The following SKA1 variants were observed in gnomAD, a reference collection of about 807,000 sequenced individuals.
SKA1 encodes the protein spindle and kinetochore associated complex subunit 1.
A neutral mutation model predicts 31.8 loss-of-function variants in SKA1; 20 were observed. That is an observed-to-expected ratio of 0.63 (90% CI 0.44 to 0.91). SKA1 has a LOEUF of 0.91. Among genes scored for constraint, SKA1 ranks in the 40% least tolerant of loss-of-function variants. SKA1 has a pLI of 0.00. For synonymous variants in SKA1, 88 were observed against 100.5 expected, an observed-to-expected ratio of 0.88 and a Z score of 0.74; for missense variants, 253 against 298.2, an observed-to-expected ratio of 0.85 and a Z score of 1.12.
At chr18:50,379,982 G>A in intron 2 of SKA1, 144 bp from the exon 3 acceptor site, 1 of 554,052 alleles carries the variant, frequency 1.8e-6, no homozygotes, top group Non-Finnish European at 3.0e-6. Flanking sequence ...ATTGTCCATG[G>A]AGTCATTTTC....
chr18:50,378,442 C>T (rs913037720), intron 2 of SKA1, among the ~76,000 whole-genome samples: 5 of 152,082 alleles, frequency 3.3e-5, no homozygotes, highest in African/African-American at 9.7e-5. Context: ...TTTGGGAGGC[C>T]AAGGCAGGCG....
At chr18:50,379,992 C>T (rs1352722829) in intron 2 of SKA1, 134 bp from the exon 3 acceptor site, 9 of 631,948 alleles carry the variant, frequency 1.4e-5, no homozygotes, top group Non-Finnish European at 2.2e-5. Context: ...GAGTCATTTT[C>T]TAGGGGCTAA....
At chr18:50,375,786 C>T (rs1205843370) in intron 1 of SKA1, 34 bp from the exon 2 acceptor site, 4 of 1,353,562 alleles carry the variant, frequency 3.0e-6, no homozygotes, top group Non-Finnish European at 3.1e-6. Flanking sequence ...TGTGGCTTTT[C>T]TTGTTACGAA....
At chr18:50,381,180 T>G (rs2041258979) in intron 3 of SKA1, among the ~76,000 whole-genome samples, 1 of 152,246 alleles carries the variant, frequency 6.6e-6, no homozygotes, top group African/African-American at 2.4e-5. Flanking sequence ...ATTTGGAATT[T>G]CTGTTCACAT....
intron 5 of SKA1, among the ~76,000 whole-genome samples, chr18:50,387,624 T>G (rs2041321069): frequency 6.6e-6 from 1 of 152,242 alleles, no homozygotes; most frequent in African/African-American, 2.4e-5. Flanking sequence ...TCAAGTTCGC[T>G]GATTCTTTCT....
chr18:50,378,024 G>A (rs1274365997), intron 2 of SKA1, among the ~76,000 whole-genome samples: 1 of 152,150 alleles, frequency 6.6e-6, no homozygotes, highest in African/African-American at 2.4e-5. Flanking sequence ...TTGGTTGGGC[G>A]ACAGTTTCTG....
At chr18:50,379,997 G>C in intron 2 of SKA1, 129 bp from the exon 3 acceptor site, 1 of 680,548 alleles carries the variant, frequency 1.5e-6, no homozygotes, top group Non-Finnish European at 2.3e-6. Context: ...ATTTTCTAGG[G>C]GCTAAAGCAG....
Position 50,385,344 on chromosome 18 carries a change from G to A in SKA1, c.440G>A (p.Gly147Asp), listed in dbSNP as rs1568330041. 1.0e-5 allele frequency: 16 copies of A among 1,606,600 alleles called. No homozygotes were observed. The East Asian group carries it at 3.4e-4, about 34-fold the overall frequency. ...MPFITCDEFN[G>D]VPSYMKSRLT... ...TTTATAACTTGTGATGAGTTCAATG[G>A]TGTTCCTTCGTAAGTATTTAAGATA... The change falls in exon 5 of 7, where the codon GGT becomes GAT. Residue 147 changes from glycine (G) to aspartate (D), a missense_variant. Gly to Asp is a moderately conservative substitution (Grantham distance 94, BLOSUM62 -1). Coordinates refer to ENST00000285116, the MANE Select transcript of SKA1 (RefSeq NM_145060.4).
chr18:50,380,183 T>C lies in SKA1; in HGVS notation c.146T>C (p.Ile49Thr). Reference protein sequence around the residue: ...LNKIGDEIIVINELLNKLELE... With the variant: ...LNKIGDEIIVTNELLNKLELE... ...AAAATAGGAGATGAGATCATTGTAATAAATGAACTTCTAAATAAATTGGAA... is the reference window on the plus strand; with the variant it reads ...AAAATAGGAGATGAGATCATTGTAACAAATGAACTTCTAAATAAATTGGAA... Residue 49 changes from isoleucine to threonine, a missense_variant, in exon 3 of 7, where the codon ATA becomes ACA. Coordinates refer to ENST00000285116, the MANE Select transcript of SKA1 (RefSeq NM_145060.4). 6.4e-7 allele frequency: 1 copy of C among 1,560,070 alleles called. No homozygotes were observed. The highest frequency in any genetic ancestry group is 1.2e-5 in the South Asian group (1 of 81,976).
chr18:50,376,883 T>C (rs572530443), intron 2 of SKA1, among the ~76,000 whole-genome samples: 6 of 152,082 alleles, frequency 3.9e-5, no homozygotes, highest in Non-Finnish European at 8.8e-5. Flanking sequence ...AGCCTAGGCC[T>C]ATGCAGGGTC....
intron 5 of SKA1, among the ~76,000 whole-genome samples, chr18:50,389,106 C>T (rs931886631): frequency 3.4e-5 from 5 of 148,162 alleles, no homozygotes; most frequent in African/African-American, 9.7e-5. Flanking sequence ...TTTCAGTTTG[C>T]TCCTGTTGTG....
At position 50,392,417 on chromosome 18, in the gene SKA1, A is replaced by T; in HGVS notation, c.*170A>T. 1 of 391,648 alleles carries T rather than the reference A, an allele frequency of 2.6e-6. No homozygotes were observed. The highest frequency in any genetic ancestry group is 1.3e-4 in the South Asian group (1 of 7,656). 24.3% of individuals were successfully genotyped at this position (391,648 alleles called of 1,614,324 possible). A position where few individuals can be genotyped will look rare whatever the true frequency, so the allele number is the denominator to read the frequency against. On this transcript the variant is annotated 3_prime_UTR_variant, in exon 7 of 7. Transcript: ENST00000285116. ...AGGGGCTTGCTTTGTCACGCAGGCT[A>T]GAGTGCAGTGGCGCAAACATGGCTC...
At chr18:50,388,943 A>C (rs115160453) in intron 5 of SKA1, among the ~76,000 whole-genome samples, 1 of 152,108 alleles carries the variant, frequency 6.6e-6, no homozygotes, top group Non-Finnish European at 1.5e-5. Flanking sequence ...GAGCCTTAGC[A>C]GTTTGTCCGT....
intron 3 of SKA1, among the ~76,000 whole-genome samples, chr18:50,381,524 A>G (rs1302881927): frequency 6.6e-6 from 1 of 152,184 alleles, no homozygotes; most frequent in Non-Finnish European, 1.5e-5. Flanking sequence ...GTTATCTCCC[A>G]AGATTAAAGT....
chr18:50,375,612 C>G (rs2149318126), intron 1 of SKA1, among the ~76,000 whole-genome samples: 1 of 152,278 alleles, frequency 6.6e-6, no homozygotes, highest in Middle Eastern at 3.4e-3. Flanking sequence ...TGGGATCCAT[C>G]GATGGCCTAA....
Position 50,391,108 on chromosome 18 carries a change from AT to A in SKA1, c.450-15del. The A allele has an allele frequency of 6.8e-7, 1 of 1,460,088 alleles. No homozygotes were observed. The highest frequency in any genetic ancestry group is 9.2e-7 in the Non-Finnish European group (1 of 1,087,376). 90.4% of individuals were successfully genotyped at this position (1,460,088 alleles called of 1,614,324 possible). A position where few individuals can be genotyped will look rare whatever the true frequency, so the allele number is the denominator to read the frequency against. On this transcript the variant is annotated splice_polypyrimidine_tract_variant and intron_variant, in intron 5 of 6. Coordinates refer to ENST00000285116, the MANE Select transcript of SKA1 (RefSeq NM_145060.4). ...TGATTCTTTAAAACAATAATTAGCC[AT>A]ATACTTTTTTACAGGTACATGAAAT...
At chr18:50,379,830 G>T (rs537312668) in intron 2 of SKA1, among the ~76,000 whole-genome samples, 1 of 152,150 alleles carries the variant, frequency 6.6e-6, no homozygotes, top group Non-Finnish European at 1.5e-5. Context: ...AGCTGTGGAC[G>T]TAGAAGGATG....
chr18:50,384,871 T>TAAAAA (rs10608403), intron 4 of SKA1, among the ~76,000 whole-genome samples: 1 of 82,600 alleles, frequency 1.2e-5, no homozygotes, highest in Non-Finnish European at 2.1e-5. Flanking sequence ...AAAAAAAAAT[T>TAAAAA]AAAAAAAAAA....
chr18:50,377,937 C>T (rs983828960), intron 2 of SKA1, among the ~76,000 whole-genome samples: 1 of 152,052 alleles, frequency 6.6e-6, no homozygotes, highest in Non-Finnish European at 1.5e-5. Flanking sequence ...CTTAAGGAGC[C>T]CCCTGACCTC....
Sources: allele counts gnomAD v4.1 joint callset (sites outside exome capture counted in the v4.1 genomes callset), GRCh38; gene constraint gnomAD v4.1.1; transcripts MANE v1.5; gene names NCBI Gene and HGNC (gene_info 2026-07-23, HGNC 2026-07-21).